The following STK32B variants were observed in gnomAD, a reference collection of about 807,000 sequenced individuals.
STK32B encodes the protein serine/threonine-protein kinase 32B.
STK32B carries 43 observed loss-of-function variants against 52.6 expected under a neutral mutation model. That is an observed-to-expected ratio of 0.82 (90% CI 0.64 to 1.05). The LOEUF is 1.05. Among genes scored for constraint, STK32B ranks in the 50% least tolerant of loss-of-function variants. The probability of loss-of-function intolerance (pLI) is 0.00; values close to 1 mark genes in which losing one functional copy is unlikely to be tolerated. For missense variants in STK32B, 621 were observed against 534.6 expected (o/e 1.16, Z -1.59); for synonymous variants, 238 against 204.3 (o/e 1.17, Z -1.41).
chr4:5,044,920 A>C, the STK32B span, among the ~76,000 whole-genome samples: 8 of 152,178 alleles, frequency 5.3e-5, no homozygotes, highest in South Asian at 1.5e-3. Flanking sequence ...CAAAACAAAC[A>C]CAACCAAAAA....
chr4:5,150,583 T>TC (rs1717273655), intron 2 of STK32B, among the ~76,000 whole-genome samples: 1 of 152,140 alleles, frequency 6.6e-6, no homozygotes, highest in Non-Finnish European at 1.5e-5. Flanking sequence ...CATTTTTTTT[T>TC]TCTTAACTGG....
intron 1 of STK32B, among the ~76,000 whole-genome samples, chr4:5,052,418 CTT>C (rs1028846868): frequency 2.0e-5 from 3 of 152,094 alleles, no homozygotes; most frequent in African/African-American, 7.2e-5. Flanking sequence ...CAGAGGGAAA[CTT>C]TTCTTTGCTA....
At chr4:5,049,537 A>G (rs6853387), upstream of STK32B, among the ~76,000 whole-genome samples, 90,968 of 151,956 alleles carry the variant, frequency 0.6, 27,600 homozygotes, top group East Asian at 0.88. Flanking sequence ...GTTCTCTGGG[A>G]GGCAGGGGCG....
chr4:5,226,928 T>G (rs755409978), intron 3 of STK32B, among the ~76,000 whole-genome samples: 2 of 152,202 alleles, frequency 1.3e-5, no homozygotes, highest in African/African-American at 4.8e-5. Flanking sequence ...AAGTAACATT[T>G]TAACCAAAAA....
At position 5,467,472 on chromosome 4, in the gene STK32B, T is replaced by C. The variant is rs890738905; in HGVS notation, c.1042-534T>C. On this transcript the variant is annotated intron_variant, in intron 10 of 11. Transcript: ENST00000282908. This position sits in a 1 kb window ranked among gnomAD's most constrained non-coding sequence, Gnocchi z 5.8. ...CGCATGTCTTCATATGGCCTTCATA[T>C]AAGGACCCCAGTCATTGGTCTTAGG... Among the ~76,000 whole-genome samples the C allele has an allele frequency of 9.2e-5, 14 of 152,162 alleles. No individual in the cohort carries two copies. The highest frequency in any genetic ancestry group is 3.4e-4 in the African/African-American group (14 of 41,434).
At chr4:5,462,029 A>G (rs936996987) in intron 9 of STK32B, among the ~76,000 whole-genome samples, 29 of 151,860 alleles carry the variant, frequency 1.9e-4, no homozygotes, top group African/African-American at 6.8e-4. Context: ...CTCCCAATAT[A>G]ATTATTTTAG....
intron 11 of STK32B, among the ~76,000 whole-genome samples, chr4:5,496,756 T>A (rs1358483494): frequency 6.6e-6 from 1 of 152,056 alleles, no homozygotes; most frequent in Non-Finnish European, 1.5e-5. Context: ...TTGCCGTTCC[T>A]TTTCAGTATG....
In STK32B at chr4:5,201,740, G is replaced by A. The variant is rs536696175; in HGVS notation, c.260+33290G>A. ...CACATCTTACATGGTGGCAGTAGGA[G>A]AGAGAGCCAAACACTTTTAAACCAT... On this transcript the variant is annotated intron_variant, in intron 3 of 11. Transcript: ENST00000282908. Among the ~76,000 whole-genome samples the A allele has an allele frequency of 2.0e-5, 3 of 152,306 alleles. No homozygotes were observed. The South Asian group carries it at 6.2e-4, about 32-fold the overall frequency.
chr4:5,461,944 G>C (rs1219335266), intron 9 of STK32B, among the ~76,000 whole-genome samples: 1 of 152,174 alleles, frequency 6.6e-6, no homozygotes, highest in African/African-American at 2.4e-5. Context: ...ACTGCTGTGG[G>C]AACAGGCCAT....
intron 1 of STK32B, among the ~76,000 whole-genome samples, chr4:5,066,585 A>G (rs1162241058): frequency 6.6e-6 from 1 of 152,176 alleles, no homozygotes; most frequent in Non-Finnish European, 1.5e-5. Flanking sequence ...AACTCACTGC[A>G]AGCTGTGTTC....
the STK32B span, among the ~76,000 whole-genome samples, chr4:5,029,899 TG>T: frequency 6.6e-6 from 1 of 152,244 alleles, no homozygotes; most frequent in Non-Finnish European, 1.5e-5. Flanking sequence ...AATTGAATTA[TG>T]GGAGTGGTTT....
intron 3 of STK32B, among the ~76,000 whole-genome samples, chr4:5,291,390 T>G (rs1728885382): frequency 6.6e-6 from 1 of 152,174 alleles, no homozygotes; most frequent in Non-Finnish European, 1.5e-5. Flanking sequence ...CAAATGTATT[T>G]ATAAGAATTT....
At chr4:5,315,433 CTGAG>C (rs10547266) in intron 3 of STK32B, among the ~76,000 whole-genome samples, 17,749 of 152,030 alleles carry the variant, frequency 0.12, 2,590 homozygotes, top group African/African-American at 0.35. Context: ...GCAACACTTA[CTGAG>C]TATTTATATG....
chr4:5,226,226 A>AT (rs761193772), intron 3 of STK32B, among the ~76,000 whole-genome samples: 7 of 151,996 alleles, frequency 4.6e-5, no homozygotes, highest in African/African-American at 4.8e-5. Flanking sequence ...AAAAGTTGCT[A>AT]TTTTTTTGCA....
intron 1 of STK32B, chr4:5,127,052 T>G (rs910289362): frequency 2.6e-5 from 13 of 491,458 alleles, no homozygotes; most frequent in Non-Finnish European, 5.3e-5. Context: ...GAGATAAAGG[T>G]GCCATGGACA....
At chr4:5,174,687 G>A (rs140374182) in intron 3 of STK32B, among the ~76,000 whole-genome samples, 1,776 of 152,284 alleles carry the variant, frequency 0.012, 34 homozygotes, top group African/African-American at 0.04. Context: ...AGGTTGATGG[G>A]CTTCCCTTTG....
intron 5 of STK32B, among the ~76,000 whole-genome samples, chr4:5,412,567 TG>T (rs1302904497): frequency 1.3e-5 from 2 of 151,832 alleles, no homozygotes; most frequent in Non-Finnish European, 2.9e-5. Flanking sequence ...AGGAGGAGAG[TG>T]GGACGGGGAA....
chr4:5,423,993 A>G (rs554835981), intron 6 of STK32B, among the ~76,000 whole-genome samples: 6 of 152,188 alleles, frequency 3.9e-5, no homozygotes, highest in Admixed American at 1.3e-4. Context: ...CTGTGCTCTC[A>G]GGGAAACCCC....
chr4:5,128,734 G>A (rs1028974323), intron 1 of STK32B, among the ~76,000 whole-genome samples: 5 of 152,162 alleles, frequency 3.3e-5, no homozygotes, highest in Non-Finnish European at 5.9e-5. Flanking sequence ...ACAACTGATC[G>A]GCTACTGGCC....
Sources: gnomAD v4.1 joint callset for allele counts (sites outside exome capture counted in the v4.1 genomes callset) on GRCh38, gnomAD v4.1.1 for gene constraint, Gnocchi (gnomAD v3.1) non-coding constraint, MANE v1.5 for transcripts, NCBI Gene and HGNC (gene_info 2026-07-23, HGNC 2026-07-21) for gene names.